SLC15A1: variants seen among roughly 807,000 people sequenced by gnomAD.
The protein encoded by SLC15A1 is Caco-2 oligopeptide transporter.
In SLC15A1, 83 loss-of-function variants were observed where a neutral mutation model predicts 92.9. The ratio of observed to expected loss-of-function variants is 0.89; its 90% confidence interval spans 0.75 to 1.07. The LOEUF is 1.07. Among genes scored for constraint, SLC15A1 ranks in the 50% least tolerant of loss-of-function variants. The probability of loss-of-function intolerance (pLI) is 0.00; values close to 1 mark genes in which losing one functional copy is unlikely to be tolerated. For missense variants in SLC15A1, 857 were observed against 880.1 expected (o/e 0.97, Z 0.33); for synonymous variants, 322 against 318.2 (o/e 1.01, Z -0.13).
intron 18 of SLC15A1, among the ~76,000 whole-genome samples, chr13:98,690,876 C>T (rs2087969782): frequency 1.3e-5 from 2 of 152,250 alleles, no homozygotes; most frequent in South Asian, 4.2e-4. Context: ...CCCATTCGTT[C>T]CTCCCTGGCC....
rs1299859703 is a variant in SLC15A1, at chr13:98,684,226, T to C, written c.*498A>G. The C allele has an allele frequency of 6.5e-6, 1 of 153,504 alleles. No individual in the cohort carries two copies. The highest frequency in any genetic ancestry group is 1.4e-5 in the Non-Finnish European group (1 of 69,354). The allele number at this position is 153,504 out of a possible 1,614,324, so 9.5% of individuals were successfully genotyped here. A position where few individuals can be genotyped will look rare whatever the true frequency, so the allele number is the denominator to read the frequency against. On this transcript the variant is annotated 3_prime_UTR_variant, in exon 23 of 23. Coordinates refer to ENST00000376503, the MANE Select transcript of SLC15A1 (RefSeq NM_005073.4). ...TTCAAACAGAAGACTTCTTCCAGAG[T>C]TTTAGATTCACTGCTGGCTGCTTAG...
chr13:98,690,169 A>C (rs1342238043), intron 18 of SLC15A1, among the ~76,000 whole-genome samples: 1 of 152,226 alleles, frequency 6.6e-6, no homozygotes, highest in African/African-American at 2.4e-5. Context: ...ACACCTCAGC[A>C]GTGTAAAGAA....
chr13:98,687,923 G>T (rs2087943362), intron 20 of SLC15A1, among the ~76,000 whole-genome samples, 199 bp from the exon 21 acceptor site: 1 of 152,206 alleles, frequency 6.6e-6, no homozygotes, highest in African/African-American at 2.4e-5. Flanking sequence ...TTTTCTTTTA[G>T]ATAAGAGAGT....
chr13:98,703,612 A>T (rs977984976), intron 17 of SLC15A1, among the ~76,000 whole-genome samples: 3 of 126,866 alleles, frequency 2.4e-5, no homozygotes, highest in African/African-American at 9.7e-5. Flanking sequence ...GCTGGAGCAC[A>T]TTGGCATGAA....
At chr13:98,726,562 T>A (rs1453681093) in intron 2 of SLC15A1, 113 bp from the exon 3 acceptor site, 4 of 946,854 alleles carry the variant, frequency 4.2e-6, no homozygotes, top group Non-Finnish European at 6.7e-6. Flanking sequence ...AACTTACCGG[T>A]GACTGTCTAG....
In SLC15A1 at chr13:98,719,253, G is replaced by A; in HGVS notation, c.624C>T (p.Leu208=). The A allele has an allele frequency of 3.1e-6, 5 of 1,613,424 alleles. No individual in the cohort carries two copies. The highest frequency in any genetic ancestry group is 1.7e-4 in the Middle Eastern group (1 of 6,054). Reference sequence around the variant, plus strand: ...TCCACTTACTCAGGGCTACAGCCATGAGAGCAGCAGGAACCCCAAAGGCCA... The same window carrying A: ...TCCACTTACTCAGGGCTACAGCCATAAGAGCAGCAGGAACCCCAAAGGCCA... ...YPLAFGVPAA[L]MAVALIVFVL... Residue 208 remains leucine (L), a synonymous_variant, in exon 8 of 23, where the codon CTC becomes CTT. Coordinates refer to ENST00000376503, the MANE Select transcript of SLC15A1 (RefSeq NM_005073.4).
intron 9 of SLC15A1, among the ~76,000 whole-genome samples, chr13:98,713,897 A>G (rs1255611862): frequency 1.3e-5 from 2 of 152,016 alleles, no homozygotes; most frequent in African/African-American, 4.8e-5. Context: ...AAATACAAAA[A>G]TTAGCTGGGC....
At chr13:98,692,693 C>A (rs1324579215) in intron 18 of SLC15A1, among the ~76,000 whole-genome samples, 1 of 152,160 alleles carries the variant, frequency 6.6e-6, no homozygotes, top group African/African-American at 2.4e-5. Flanking sequence ...TTCAAAGTGG[C>A]TGTACCATTT....
chr13:98,721,028 G>T (rs751756524), intron 7 of SLC15A1: 1 of 423,668 alleles, frequency 2.4e-6, no homozygotes, highest in Non-Finnish European at 4.8e-6. Flanking sequence ...CTCCAGCGTG[G>T]GTGACAGAGC....
chr13:98,711,990 T>C, intron 10 of SLC15A1, 47 bp from the exon 11 acceptor site: 10 of 1,404,750 alleles, frequency 7.1e-6, no homozygotes, highest in Non-Finnish European at 9.1e-6. Flanking sequence ...CCCTGTGTCC[T>C]GTGCCACTCA....
At chr13:98,744,341 C>CT (rs528329997) in intron 1 of SLC15A1, among the ~76,000 whole-genome samples, 3,822 of 136,698 alleles carry the variant, frequency 0.028, 77 homozygotes, top group African/African-American at 0.063. Flanking sequence ...CACACACAGA[C>CT]TTTTTTTTTT....
intron 17 of SLC15A1, among the ~76,000 whole-genome samples, chr13:98,703,661 A>G (rs533540132): frequency 8.5e-4 from 125 of 146,856 alleles, no homozygotes; most frequent in African/African-American, 3.1e-3. Context: ...GGCTCAAGCA[A>G]TCCTCGCACC....
intron 1 of SLC15A1, among the ~76,000 whole-genome samples, chr13:98,733,981 T>C (rs2088370040): frequency 6.6e-6 from 1 of 152,184 alleles, no homozygotes; most frequent in African/African-American, 2.4e-5. Flanking sequence ...TATTTTATTT[T>C]TTGAGATGGA....
intron 1 of SLC15A1, among the ~76,000 whole-genome samples, chr13:98,751,889 A>C (rs1334495156): frequency 1.3e-5 from 2 of 152,182 alleles, no homozygotes; most frequent in Non-Finnish European, 1.5e-5. Context: ...CCTCATCTTT[A>C]AGAAAGCAGC....
chr13:98,730,350 C>T (rs2088340250), intron 1 of SLC15A1, among the ~76,000 whole-genome samples: 1 of 151,590 alleles, frequency 6.6e-6, no homozygotes, highest in African/African-American at 2.4e-5. Context: ...GGGAAATACA[C>T]TGTACTGGTT....
At position 98,719,333 on chromosome 13, in the gene SLC15A1, G is replaced by T; in HGVS notation, c.557-13C>A. 6.3e-7 allele frequency: 1 copy of T among 1,599,274 alleles called. No homozygotes were observed. Among genetic ancestry groups the T allele is most frequent in the Non-Finnish European group, 8.6e-7 (1 of 1,166,918 alleles). ...CCACATTGTTGAACTGGGGAGAAAT[G>T]ACAAGATTAAAATTGTTATGGCATT... is the stretch of plus-strand genomic sequence containing the variant. On this transcript the variant is annotated splice_polypyrimidine_tract_variant and intron_variant, in intron 7 of 22. Transcript: ENST00000376503.
At chr13:98,739,736 A>T (rs750171336) in intron 1 of SLC15A1, among the ~76,000 whole-genome samples, 110 of 152,332 alleles carry the variant, frequency 7.2e-4, no homozygotes, top group South Asian at 1.9e-3. Context: ...ACCCGGTTTC[A>T]TGTATTTCTT....
At chr13:98,698,053 G>A (rs371588224) in intron 18 of SLC15A1, among the ~76,000 whole-genome samples, 66 of 152,130 alleles carry the variant, frequency 4.3e-4, no homozygotes, top group African/African-American at 1.5e-3. Flanking sequence ...ACTAGGTTAC[G>A]GGGAAAAAAA....
At chr13:98,745,823 G>A (rs940417305) in intron 1 of SLC15A1, among the ~76,000 whole-genome samples, 8 of 149,254 alleles carry the variant, frequency 5.4e-5, no homozygotes, top group African/African-American at 1.2e-4. Context: ...CACCATGTGA[G>A]TTTAGGTGTC....
Sources: allele counts gnomAD v4.1 joint callset (sites outside exome capture counted in the v4.1 genomes callset), GRCh38; gene constraint gnomAD v4.1.1; transcripts MANE v1.5; gene names NCBI Gene and HGNC (gene_info 2026-07-23, HGNC 2026-07-21).